Variants in COL9A1 observed in about 807,000 individuals in gnomAD.
The protein encoded by COL9A1 is collagen alpha-1(IX) chain.
Under a neutral mutation model 142.6 loss-of-function variants are expected in COL9A1, and 104 were observed. The observed-to-expected ratio is 0.73, with a 90% CI of 0.62 to 0.86. The LOEUF (loss-of-function observed/expected upper bound fraction) is 0.86, where lower values mean the gene tolerates loss of function less well. COL9A1 is among the 40% of genes least tolerant of loss of function. COL9A1 has a pLI of 0.00. For synonymous variants in COL9A1, 466 were observed against 396.0 expected (o/e 1.18, Z -2.10); for missense variants, 1,210 against 1,176.6 (o/e 1.03, Z -0.42).
At chr6:70,284,122 A>C (rs1562326649) in intron 5 of COL9A1, among the ~76,000 whole-genome samples, 1 of 152,220 alleles carries the variant, frequency 6.6e-6, no homozygotes, top group Non-Finnish European at 1.5e-5. Context: ...TTCTGATGAC[A>C]ATCTCAAGAT....
chr6:70,255,295 A>G, intron 22 of COL9A1, 42 bp downstream of exon 22: 1 of 1,610,746 alleles, frequency 6.2e-7, no homozygotes, highest in Non-Finnish European at 8.5e-7. Flanking sequence ...AGCAGATGAC[A>G]CTGAAAAGCA....
intron 5 of COL9A1, among the ~76,000 whole-genome samples, chr6:70,284,366 G>A (rs184032007): frequency 8.5e-5 from 13 of 152,318 alleles, no homozygotes; most frequent in Admixed American, 3.9e-4. Flanking sequence ...GATATTCTCC[G>A]TGGAGTGGTC....
At position 70,280,868 on chromosome 6, in the gene COL9A1, C is replaced by A; in HGVS notation, c.919G>T (p.Ala307Ser). The change falls in exon 10 of 38, where the codon GCA becomes TCA. Residue 307 changes from alanine to serine, a missense_variant. Ala to Ser is a moderately conservative substitution (Grantham distance 99). Coordinates refer to ENST00000357250, the MANE Select transcript of COL9A1 (RefSeq NM_001851.6). ...PKGPPGPPGP[A>S]GEPGKPGAPG... ...GCTCCTGGCTTTCCCGGTTCACCTGCAGGACCCTGAGCAGGGGCAGAAGGG... is the reference window on the plus strand; with the variant it reads ...GCTCCTGGCTTTCCCGGTTCACCTGAAGGACCCTGAGCAGGGGCAGAAGGG... 2 of 1,613,508 alleles carry A rather than the reference C, an allele frequency of 1.2e-6. No homozygotes were observed. The highest frequency in any genetic ancestry group is 1.7e-6 in the Non-Finnish European group (2 of 1,179,862).
At chr6:70,294,016 C>G in intron 5 of COL9A1, 151 bp downstream of exon 5, 1 of 1,078,512 alleles carries the variant, frequency 9.3e-7, no homozygotes, top group Middle Eastern at 2.6e-4. Flanking sequence ...TTAAGCTCCT[C>G]AAGACCAGAA....
chr6:70,282,446 G>T (rs1236531338), intron 7 of COL9A1, among the ~76,000 whole-genome samples: 4 of 152,194 alleles, frequency 2.6e-5, no homozygotes, highest in African/African-American at 9.6e-5. Flanking sequence ...TCCCGGAGCC[G>T]CCAGCACCGC....
chr6:70,266,856 C>T, intron 17 of COL9A1, 86 bp from the exon 18 acceptor site: 1 of 1,073,406 alleles, frequency 9.3e-7, no homozygotes, highest in Non-Finnish European at 1.5e-6. Context: ...TTCCCTAAAT[C>T]AGTGCCAATG....
chr6:70,274,180 A>G (rs982329674), intron 11 of COL9A1, 98 bp from the exon 12 acceptor site: 4 of 915,658 alleles, frequency 4.4e-6, no homozygotes, highest in African/African-American at 3.6e-5. Context: ...ACACCCCATT[A>G]TGGTGTTTTT....
At position 70,247,021 on chromosome 6, in the gene COL9A1, T is replaced by G. The variant is rs187460256; in HGVS notation, c.1873-4306A>C. Among the ~76,000 whole-genome samples, 176 of 152,282 alleles carry G rather than the reference T, an allele frequency of 1.2e-3. 3 individuals are homozygous for G. The highest frequency in any genetic ancestry group is 8.8e-3 in the Admixed American group (135 of 15,290). Reference sequence around the variant, plus strand: ...TATGCTTGTCTCATAGTAAGCATAGTAGAAGTGTTAGTTATATTGATCTGA... The same window carrying G: ...TATGCTTGTCTCATAGTAAGCATAGGAGAAGTGTTAGTTATATTGATCTGA... On this transcript the variant is annotated intron_variant, in intron 28 of 37. Transcript: ENST00000357250.
At chr6:70,277,930 C>T (rs1772875531) in intron 10 of COL9A1, among the ~76,000 whole-genome samples, 1 of 152,188 alleles carries the variant, frequency 6.6e-6, no homozygotes, top group African/African-American at 2.4e-5. Flanking sequence ...ACTTACTTAG[C>T]TCCCCTATGG....
chr6:70,223,639 C>A (rs1769031944), intron 37 of COL9A1, among the ~76,000 whole-genome samples: 1 of 152,228 alleles, frequency 6.6e-6, no homozygotes, highest in African/African-American at 2.4e-5. Context: ...CCCAAGCCCT[C>A]AGCTGGTGCT....
chr6:70,249,187 T>TTTTTTTTTTTTTTTTTTTG (rs1554237008), intron 28 of COL9A1, among the ~76,000 whole-genome samples: 1 of 151,532 alleles, frequency 6.6e-6, no homozygotes. Flanking sequence ...TGAAGATTTT[T>TTTTTTTTTTTTTTTTTTTG]AAATGGGGAG....
At chr6:70,247,199 A>G (rs1770660766) in intron 28 of COL9A1, among the ~76,000 whole-genome samples, 1 of 152,266 alleles carries the variant, frequency 6.6e-6, no homozygotes, top group Non-Finnish European at 1.5e-5. Context: ...TTCTGTCAAC[A>G]TCACTGATCA....
chr6:70,276,878 A>T (rs1293823524), intron 10 of COL9A1, among the ~76,000 whole-genome samples: 3 of 152,196 alleles, frequency 2.0e-5, no homozygotes, highest in Admixed American at 2.0e-4. Flanking sequence ...AGTGTTCTAG[A>T]CGCTGTTCCT....
At chr6:70,248,460 C>T (rs1170110192) in intron 28 of COL9A1, among the ~76,000 whole-genome samples, 3 of 152,172 alleles carry the variant, frequency 2.0e-5, no homozygotes, top group Admixed American at 2.0e-4. Context: ...ATTTCTTCTT[C>T]TCAGCTTGTT....
chr6:70,263,302 A>G lies in COL9A1; in HGVS notation c.1342-5T>C. ...TCCCTGGTCACCTTCTTCACCCTAA[A>G]GAAAAAAAAGAAAAAAGAAAAGCAC... On this transcript the variant is annotated splice_polypyrimidine_tract_variant and splice_region_variant and intron_variant, in intron 18 of 37. Coordinates refer to ENST00000357250, the MANE Select transcript of COL9A1 (RefSeq NM_001851.6). 6.2e-7 allele frequency: 1 copy of G among 1,606,242 alleles called. No individual in the cohort carries two copies. The highest frequency in any genetic ancestry group is 1.1e-5 in the South Asian group (1 of 89,110).
chr6:70,264,247 T>C (rs1336918077), intron 18 of COL9A1, among the ~76,000 whole-genome samples: 2 of 152,050 alleles, frequency 1.3e-5, no homozygotes, highest in African/African-American at 4.8e-5. Context: ...CCAAATAAAC[T>C]TTAGAATCAT....
rs556061506 is a variant in COL9A1 at position 70,260,575 on chromosome 6, A to G, written c.1449+82T>C. On this transcript the variant is annotated intron_variant, in intron 20 of 37. Transcript: ENST00000357250. The stretch of plus-strand genomic sequence containing the variant: ...AAAAAAAAAAAAAAAAAGTTGTTGA[A>G]GATAAAAAGTTATGTTTAAACGGCC... 1.9e-5 allele frequency: 22 copies of G among 1,143,242 alleles called. No homozygotes were observed. The East Asian group carries it at 5.3e-4, about 28-fold the overall frequency. The allele number at this position is 1,143,242 out of a possible 1,614,324, so 70.8% of individuals were successfully genotyped here.
At chr6:70,290,921 A>T (rs1236010087) in intron 5 of COL9A1, among the ~76,000 whole-genome samples, 1 of 152,124 alleles carries the variant, frequency 6.6e-6, no homozygotes, top group Non-Finnish European at 1.5e-5. Context: ...AAAATTTCTA[A>T]CATAGTAATA....
At chr6:70,285,976 C>T (rs773949411) in intron 5 of COL9A1, among the ~76,000 whole-genome samples, 6 of 152,158 alleles carry the variant, frequency 3.9e-5, no homozygotes, top group Non-Finnish European at 7.3e-5. Context: ...GCAGCCTCCA[C>T]CTCCTGGGTT....
Sources: allele counts gnomAD v4.1 joint callset (sites outside exome capture counted in the v4.1 genomes callset), GRCh38; gene constraint gnomAD v4.1.1; transcripts MANE v1.5; gene names NCBI Gene and HGNC (gene_info 2026-07-23, HGNC 2026-07-21).